Variants in PAK4 observed in about 807,000 individuals in gnomAD.
PAK4 encodes p21 (RAC1) activated kinase 4, also known as serine/threonine-protein kinase PAK 4.
In PAK4, 49 loss-of-function variants were observed where a neutral mutation model predicts 53.5. The ratio of observed to expected loss-of-function variants is 0.92; its 90% CI spans 0.73 to 1.16. The LOEUF (loss-of-function observed/expected upper bound fraction) is 1.16. PAK4 is among the 50% of genes most tolerant of loss of function. The pLI is 0.00. For synonymous variants in PAK4, 376 were observed against 375.6 expected, an observed-to-expected ratio of 1.00 and a Z score of -0.01; for missense variants, 824 against 850.7, an observed-to-expected ratio of 0.97 and a Z score of 0.39.
chr19:39,178,582 C>T lies in PAK4; in HGVS notation c.*3C>T. ...TGCGCCAGAACCGCACCAGATGAGG[C>T]CCAGCGCCCTTCCCCTCAACCAAAG... On this transcript the variant is annotated 3_prime_UTR_variant, in exon 9 of 9. Transcript: ENST00000358301. This position sits in a 1 kb window ranked among gnomAD's most constrained non-coding sequence, Gnocchi z 4.4. 5 of 1,574,222 alleles carry T rather than the reference C, an allele frequency of 3.2e-6. No individual in the cohort carries two copies. Among genetic ancestry groups the T allele is most frequent in the Non-Finnish European group, 4.3e-6 (5 of 1,155,802 alleles).
chr19:39,147,673 T>G (rs999528746), intron 1 of PAK4, among the ~76,000 whole-genome samples: 6 of 152,140 alleles, frequency 3.9e-5, no homozygotes, highest in Non-Finnish European at 7.4e-5. Context: ...ATTTTAGCTC[T>G]TCTAATAAGT....
chr19:39,153,689 G>T (rs187897546), intron 1 of PAK4, among the ~76,000 whole-genome samples: 3 of 152,142 alleles, frequency 2.0e-5, no homozygotes, highest in Non-Finnish European at 4.4e-5. Flanking sequence ...CGATCCACTC[G>T]CCTTGGCCTC....
rs2074575678 is a variant in PAK4 at position 39,175,103 on chromosome 19, A to C, written c.1232+39A>C. Reference sequence around the variant, plus strand: ...CTCAGACCCCTCCTGTGACACGACCAAGTCCCCTCCAGACCACTAGGGGTG... The same window carrying C: ...CTCAGACCCCTCCTGTGACACGACCCAGTCCCCTCCAGACCACTAGGGGTG... On this transcript the variant is annotated intron_variant, in intron 5 of 8. Coordinates refer to ENST00000358301, the Ensembl canonical transcript of PAK4. This position sits in a 1 kb window ranked among gnomAD's most constrained non-coding sequence, Gnocchi z 4.7. 2 of 1,580,510 alleles carry C rather than the reference A, an allele frequency of 1.3e-6. No homozygotes were observed. Among genetic ancestry groups the C allele is most frequent in the East Asian group, 4.5e-5 (2 of 44,694 alleles).
At chr19:39,128,022 G>A (rs35857821) in intron 1 of PAK4, among the ~76,000 whole-genome samples, 25,294 of 152,062 alleles carry the variant, frequency 0.17, 2,371 homozygotes, top group East Asian at 0.37. Context: ...GGAGGGCTGA[G>A]GAGTACCTGT....
At chr19:39,142,846 T>C (rs1168241746) in intron 1 of PAK4, among the ~76,000 whole-genome samples, 3 of 152,146 alleles carry the variant, frequency 2.0e-5, no homozygotes, top group Non-Finnish European at 4.4e-5. Context: ...TGGCCATACG[T>C]CCCTTGGGCT....
intron 2 of PAK4, 38 bp from the exon 4 acceptor site, chr19:39,172,880 C>A: frequency 6.7e-7 from 1 of 1,487,116 alleles, no homozygotes; most frequent in Non-Finnish European, 9.1e-7. Flanking sequence ...TGCCCCACTC[C>A]TTGCTGGGCC....
intron 1 of PAK4, among the ~76,000 whole-genome samples, chr19:39,151,101 G>C (rs1037287316): frequency 7.9e-5 from 12 of 152,188 alleles, no homozygotes; most frequent in African/African-American, 2.9e-4. Context: ...GCGCGACCTC[G>C]GTGAGGAGAC....
rs1343038532 is a variant in PAK4 at position 39,173,654 on chromosome 19, C to T, written c.742C>T (p.Arg248Trp). ...CCCCCAGTCCTCCTCCTCCTCCTCC[C>T]GGCCTCCCACCCGAGCCCGAGGTGC... Residue 248 changes from arginine (R) to tryptophan (W), a missense_variant, in exon 4 of 9, where the codon CGG becomes TGG. Physicochemically the swap from Arg to Trp is moderately radical, Grantham distance 101. Coordinates refer to ENST00000358301, the Ensembl canonical transcript of PAK4. The surrounding 1 kb of genome is among the most constrained non-coding windows in gnomAD (Gnocchi z 6.9). 15 of 1,582,430 alleles carry T rather than the reference C, an allele frequency of 9.5e-6. No homozygotes were observed. Among genetic ancestry groups the T allele is most frequent in the Admixed American group, 3.5e-5 (2 of 57,164 alleles).
At chr19:39,174,969 G>A (rs1244140327) in exon 5 of PAK4, 4 of 1,613,856 alleles carry the variant, frequency 2.5e-6, no homozygotes, top group South Asian at 2.2e-5. Flanking sequence ...AGAATGTGGT[G>A]GAGATGTACA....
intron 1 of PAK4, among the ~76,000 whole-genome samples, chr19:39,164,950 T>A (rs569862203): frequency 6.6e-6 from 1 of 151,854 alleles, no homozygotes; most frequent in Non-Finnish European, 1.5e-5. Context: ...TAAGCATCTT[T>A]CCTGCTGCAC....
chr19:39,140,061 C>CTA (rs1600320790), intron 1 of PAK4, among the ~76,000 whole-genome samples: 2 of 152,290 alleles, frequency 1.3e-5, no homozygotes, highest in East Asian at 3.9e-4. Context: ...ATGGCAGTCT[C>CTA]TGTCACTGTC....
chr19:39,139,752 G>A (rs2073880134), intron 1 of PAK4, among the ~76,000 whole-genome samples: 1 of 152,210 alleles, frequency 6.6e-6, no homozygotes, highest in Non-Finnish European at 1.5e-5. Context: ...CACCCGGGGT[G>A]GGAGGCACTG....
chr19:39,162,045 C>T (rs1279121591), intron 1 of PAK4, among the ~76,000 whole-genome samples: 1 of 152,144 alleles, frequency 6.6e-6, no homozygotes, highest in African/African-American at 2.4e-5. Context: ...CTGCAACTTC[C>T]ACCTCCCAGG....
intron 1 of PAK4, among the ~76,000 whole-genome samples, chr19:39,145,295 C>T (rs1013767018): frequency 4.6e-5 from 7 of 152,166 alleles, no homozygotes; most frequent in African/African-American, 9.7e-5. Flanking sequence ...AACAGTGTCC[C>T]GCATTGTTCT....
intron 1 of PAK4, among the ~76,000 whole-genome samples, chr19:39,149,117 C>T (rs934768770): frequency 2.6e-5 from 4 of 152,156 alleles, no homozygotes; most frequent in Admixed American, 6.5e-5. Flanking sequence ...ATAGAATTAC[C>T]TTGTGACCCA....
At position 39,161,510 on chromosome 19, in the gene PAK4, C is replaced by A. The variant is rs1233438816; in HGVS notation, c.-22-8022C>A. Among the ~76,000 whole-genome samples the A allele has an allele frequency of 6.6e-6, 1 of 151,868 alleles. No homozygotes were observed. The highest frequency in any genetic ancestry group is 1.5e-5 in the Non-Finnish European group (1 of 67,922). ...CCTCTGCAGCCCCCACAAGGTCCTG[C>A]CCCCTTGATTTCCACTGGGCCATCA... On this transcript the variant is annotated intron_variant, in intron 1 of 8. Coordinates refer to ENST00000358301, the Ensembl canonical transcript of PAK4. The surrounding 1 kb of genome is among the most constrained non-coding windows in gnomAD (Gnocchi z 4.5).
chr19:39,177,564 G>A, intron 7 of PAK4, 111 bp from the exon 9 acceptor site: 1 of 1,207,748 alleles, frequency 8.3e-7, no homozygotes, highest in South Asian at 1.8e-5. Context: ...CTGGGCCAAG[G>A]ACTCCAGGAG....
At chr19:39,165,195 G>GTA (rs2074350347) in intron 1 of PAK4, among the ~76,000 whole-genome samples, 1 of 128,434 alleles carries the variant, frequency 7.8e-6, no homozygotes, top group Non-Finnish European at 1.6e-5. Context: ...TGATGATGAT[G>GTA]ATAATAATAA....
downstream of PAK4, chr19:39,181,509 G>C (rs2074700318): frequency 6.6e-6 from 1 of 152,308 alleles, no homozygotes; most frequent in African/African-American, 2.4e-5. Context: ...GAGGAACAGA[G>C]GGGCCAATGG....
Sources: gnomAD v4.1 joint callset for allele counts (sites outside exome capture counted in the v4.1 genomes callset) on GRCh38, gnomAD v4.1.1 for gene constraint, Gnocchi (gnomAD v3.1) non-coding constraint, MANE v1.5 for transcripts, NCBI Gene and HGNC (gene_info 2026-07-23, HGNC 2026-07-21) for gene names.